AKAP6: variants seen among roughly 807,000 people sequenced by gnomAD.
AKAP6 encodes A-kinase anchoring protein 6.
A neutral mutation model predicts 188.5 loss-of-function variants in AKAP6; 58 were observed. That is an observed-to-expected ratio of 0.31 (90% CI 0.25 to 0.38). The LOEUF (loss-of-function observed/expected upper bound fraction) is 0.38. Ranked by LOEUF, AKAP6 falls within the 10% of genes least tolerant of loss-of-function variation. AKAP6 has a pLI of 1.00. For missense variants in AKAP6, 2,710 were observed against 2,740.0 expected (o/e 0.99, Z 0.24); for synonymous variants, 989 against 998.6 (o/e 0.99, Z 0.18).
rs1036903751 is a variant in AKAP6 at position 32,831,759 on chromosome 14, G to C, written c.*1954G>C. 6.6e-6 allele frequency: 1 copy of C among 152,246 alleles called. No homozygotes were observed. The highest frequency in any genetic ancestry group is 2.4e-5 in the African/African-American group (1 of 41,462). 9.4% of individuals were successfully genotyped at this position (152,246 alleles called of 1,614,324 possible). ...AGGAGGAAGAAAAAGGGCTTGCAGAGAGTGGAAAGTTAGTGGAATATTCAT... is the reference window on the plus strand; with the variant it reads ...AGGAGGAAGAAAAAGGGCTTGCAGACAGTGGAAAGTTAGTGGAATATTCAT... On this transcript the variant is annotated 3_prime_UTR_variant, in exon 14 of 14. Transcript: ENST00000280979.
intron 11 of AKAP6, among the ~76,000 whole-genome samples, chr14:32,751,189 A>G (rs552758110): frequency 6.6e-6 from 1 of 152,026 alleles, no homozygotes; most frequent in African/African-American, 2.4e-5. Context: ...ACTTTCCACT[A>G]AAAATGTATT....
chr14:32,384,831 A>C (rs1476884851), intron 1 of AKAP6, among the ~76,000 whole-genome samples: 1 of 152,116 alleles, frequency 6.6e-6, no homozygotes, highest in Non-Finnish European at 1.5e-5. Context: ...TTTTGTGCTC[A>C]TATATGCAGG....
At chr14:32,515,595 C>G (rs1173320790) in intron 2 of AKAP6, among the ~76,000 whole-genome samples, 1 of 152,112 alleles carries the variant, frequency 6.6e-6, no homozygotes, top group East Asian at 1.9e-4. Flanking sequence ...GTACAGGTCA[C>G]CCATCTAGCA....
chr14:32,612,630 T>G (rs544926777), intron 7 of AKAP6, among the ~76,000 whole-genome samples: 1 of 152,338 alleles, frequency 6.6e-6, no homozygotes, highest in South Asian at 2.1e-4. Flanking sequence ...ACTAGGCATT[T>G]GTACCTTAAA....
chr14:32,360,041 A>T (rs1376091466), intron 1 of AKAP6, among the ~76,000 whole-genome samples: 1 of 152,214 alleles, frequency 6.6e-6, no homozygotes, highest in Non-Finnish European at 1.5e-5. Flanking sequence ...TCTATCAAAG[A>T]ATCTGTGGAT....
rs1382292730 is a variant in AKAP6 at position 32,821,907 on chromosome 14, G to A, written c.4094G>A (p.Gly1365Glu). Residue 1365 changes from glycine (G) to glutamate (E), a missense_variant, in exon 13 of 14, where the codon GGA becomes GAA. Coordinates refer to ENST00000280979, the MANE Select transcript of AKAP6 (RefSeq NM_004274.5). ...AGCCAGAATTCAGGCAGTGAGAGTG[G>A]AATTGTCAGTGAAGGAGACACAGAA... Reference protein sequence around the residue: ...DMSQNSGSESGIVSEGDTETT... With the variant: ...DMSQNSGSESEIVSEGDTETT... The A allele has an allele frequency of 2.5e-6, 4 of 1,613,712 alleles. No homozygotes were observed. The African/African-American group carries it at 4.0e-5, about 16-fold the overall frequency.
intron 2 of AKAP6, among the ~76,000 whole-genome samples, chr14:32,499,266 T>C (rs1395467892): frequency 1.3e-5 from 2 of 150,264 alleles, no homozygotes; most frequent in African/African-American, 2.5e-5. Context: ...TTATCAACTT[T>C]TATCAAGCTA....
intron 2 of AKAP6, among the ~76,000 whole-genome samples, chr14:32,467,162 A>C (rs181581365): frequency 1.3e-3 from 193 of 151,302 alleles, no homozygotes; most frequent in African/African-American, 4.6e-3. Flanking sequence ...CAATTTACCC[A>C]TGTAACAAAA....
chr14:32,367,392 A>C (rs1485378864), intron 1 of AKAP6, among the ~76,000 whole-genome samples: 1 of 152,212 alleles, frequency 6.6e-6, no homozygotes, highest in Non-Finnish European at 1.5e-5. Context: ...CTTGCTTTTT[A>C]AAAATTATTA....
chr14:32,440,010 G>A (rs748730225), intron 2 of AKAP6, among the ~76,000 whole-genome samples: 1 of 152,048 alleles, frequency 6.6e-6, no homozygotes, highest in Non-Finnish European at 1.5e-5. Flanking sequence ...AACCCATTTA[G>A]CAGGTTGTGA....
intron 2 of AKAP6, among the ~76,000 whole-genome samples, chr14:32,456,895 G>T (rs1007753982): frequency 2.0e-5 from 3 of 152,156 alleles, no homozygotes; most frequent in Admixed American, 1.3e-4. Context: ...AAAAATCAAT[G>T]ATCTTCAACT....
chr14:32,347,756 C>G (rs750282301), intron 1 of AKAP6, among the ~76,000 whole-genome samples: 3 of 152,204 alleles, frequency 2.0e-5, no homozygotes, highest in African/African-American at 7.2e-5. Context: ...TTGAGGCACT[C>G]TGGCCCTTGG....
intron 1 of AKAP6, among the ~76,000 whole-genome samples, chr14:32,379,618 G>A (rs1594558828): frequency 6.6e-6 from 1 of 152,026 alleles, no homozygotes; most frequent in South Asian, 2.1e-4. Context: ...TCCTATGAGA[G>A]GGTGTCTCCA....
intron 9 of AKAP6, among the ~76,000 whole-genome samples, chr14:32,722,560 T>C (rs1039184871): frequency 2.6e-5 from 4 of 152,042 alleles, no homozygotes; most frequent in African/African-American, 9.7e-5. Flanking sequence ...CCCTACCCTG[T>C]ACCCGTAAAA....
intron 7 of AKAP6, among the ~76,000 whole-genome samples, chr14:32,652,889 C>T (rs1888291401): frequency 6.6e-6 from 1 of 151,962 alleles, no homozygotes. Context: ...CCCATCTCTA[C>T]AAAAAATTTA....
At position 32,545,571 on chromosome 14, in the gene AKAP6, A is replaced by G; in HGVS notation, c.918A>G (p.Gly306=). The G allele has an allele frequency of 6.2e-7, 1 of 1,614,218 alleles. No homozygotes were observed. Among genetic ancestry groups the G allele is most frequent in the East Asian group, 2.2e-5 (1 of 44,888 alleles). The change falls in exon 4 of 14, where the codon GGA becomes GGG. Residue 306 remains glycine, a synonymous_variant. Transcript: ENST00000280979. ...QVSLSVDDKG[G]CEEDNASAVE... Reference sequence around the variant, plus strand: ...CTCTCTCAGTAGACGACAAAGGTGGATGTGAGGAAGACAATGCTTCTGCAG... The same window carrying G: ...CTCTCTCAGTAGACGACAAAGGTGGGTGTGAGGAAGACAATGCTTCTGCAG...
At chr14:32,777,380 A>G (rs1395083729) in intron 12 of AKAP6, among the ~76,000 whole-genome samples, 2 of 152,240 alleles carry the variant, frequency 1.3e-5, no homozygotes, top group African/African-American at 4.8e-5. Context: ...TGATCCAGAA[A>G]TGTCACAGAG....
At chr14:32,744,978 T>C (rs2031834533) in intron 11 of AKAP6, among the ~76,000 whole-genome samples, 2 of 152,192 alleles carry the variant, frequency 1.3e-5, no homozygotes, top group Non-Finnish European at 2.9e-5. Context: ...TTTTAATCTT[T>C]ATCTGGTAGA....
chr14:32,822,137 G>T lies in AKAP6; in HGVS notation c.4324G>T (p.Asp1442Tyr), dbSNP rs760564442. The change falls in exon 13 of 14, where the codon GAT becomes TAT. Residue 1442 changes from aspartate to tyrosine, a missense_variant. Coordinates refer to ENST00000280979, the MANE Select transcript of AKAP6 (RefSeq NM_004274.5). ...PVGCVNGKVG[D>Y]LNSITKHTPD... is the part of the protein sequence containing the mutation. ...GGGTTGTGTAAATGGAAAAGTTGGA[G>T]ATTTAAACAGTATTACCAAACATAC... is the stretch of plus-strand genomic sequence containing the variant. 1 of 1,613,860 alleles carries T rather than the reference G, an allele frequency of 6.2e-7. No homozygotes were observed. Among genetic ancestry groups the T allele is most frequent in the African/African-American group, 1.3e-5 (1 of 75,010 alleles).
Sources: gnomAD v4.1 joint callset for allele counts (sites outside exome capture counted in the v4.1 genomes callset) on GRCh38, gnomAD v4.1.1 for gene constraint, MANE v1.5 for transcripts, NCBI Gene and HGNC (gene_info 2026-07-23, HGNC 2026-07-21) for gene names.